The following FAM174B variants were observed in gnomAD, a reference collection of about 807,000 sequenced individuals.
FAM174B encodes membrane protein FAM174B.
FAM174B carries 12 observed loss-of-function variants against 10.9 expected under a neutral mutation model. The ratio of observed to expected loss-of-function variants is 1.10; its 90% confidence interval spans 0.71 to 1.79. The LOEUF (loss-of-function observed/expected upper bound fraction) is 1.79, where lower values mean the gene tolerates loss of function less well. Among genes scored for constraint, FAM174B ranks in the 40% most tolerant of loss-of-function variants. FAM174B has a pLI of 0.00. For synonymous variants in FAM174B, 132 were observed against 115.8 expected, an observed-to-expected ratio of 1.14 and a Z score of -0.90; for missense variants, 266 against 233.3, an observed-to-expected ratio of 1.14 and a Z score of -0.91.
intron 1 of FAM174B, among the ~76,000 whole-genome samples, chr15:92,630,704 ATATAATTATATATTTTT>A: frequency 7.5e-6 from 1 of 133,956 alleles, no homozygotes; most frequent in East Asian, 2.2e-4. Context: ...TATATATATT[ATATAATTATATATTTTT>A]TATATTATAT....
chr15:92,645,016 C>A (rs763981442), intron 1 of FAM174B, among the ~76,000 whole-genome samples: 2 of 152,228 alleles, frequency 1.3e-5, no homozygotes, highest in Non-Finnish European at 1.5e-5. Context: ...CCACATTTTT[C>A]AGCCCCAGGC....
At position 92,617,500 on chromosome 15, in the gene FAM174B, AG is replaced by A; in HGVS notation, c.*1955del. ...AGCCTGTGGCGCTGAAGTGCCACCA[AG>A]GATTTGGAAGGTCACTTTCAGCAGC... On this transcript the variant is annotated 3_prime_UTR_variant, in exon 3 of 3. Coordinates refer to ENST00000327355, the MANE Select transcript of FAM174B (RefSeq NM_207446.3). The A allele has an allele frequency of 2.0e-6, 1 of 502,664 alleles. No individual in the cohort carries two copies. The highest frequency in any genetic ancestry group is 3.5e-6 in the Non-Finnish European group (1 of 288,032). The allele number at this position is 502,664 out of a possible 1,614,324, so 31.1% of individuals were successfully genotyped here. A position where few individuals can be genotyped will look rare whatever the true frequency, so the allele number is the denominator to read the frequency against.
intron 1 of FAM174B, among the ~76,000 whole-genome samples, chr15:92,638,363 T>A (rs894115545): frequency 6.6e-6 from 1 of 152,176 alleles, no homozygotes; most frequent in Non-Finnish European, 1.5e-5. Flanking sequence ...CTCAATGGAC[T>A]GTTCACCAGC....
intron 1 of FAM174B, among the ~76,000 whole-genome samples, chr15:92,643,246 C>T (rs2050903417): frequency 6.6e-6 from 1 of 151,690 alleles, no homozygotes; most frequent in Non-Finnish European, 1.5e-5. Flanking sequence ...GGATTACAGG[C>T]ATGAGCCACC....
intron 2 of FAM174B, among the ~76,000 whole-genome samples, chr15:92,625,810 C>G (rs1427518845): frequency 6.6e-6 from 1 of 152,188 alleles, no homozygotes; most frequent in African/African-American, 2.4e-5. Context: ...GAAAAGCCAG[C>G]ACTACTTAGT....
At chr15:92,635,648 T>C (rs549472811) in intron 1 of FAM174B, among the ~76,000 whole-genome samples, 285 of 151,454 alleles carry the variant, frequency 1.9e-3, no homozygotes, top group Non-Finnish European at 2.7e-3. Context: ...TGGCACAATC[T>C]TGGCTAACTG....
At chr15:92,654,571 G>A (rs961671735) in intron 1 of FAM174B, among the ~76,000 whole-genome samples, 2 of 152,142 alleles carry the variant, frequency 1.3e-5, no homozygotes, top group African/African-American at 4.8e-5. Context: ...GGCTCTCCAA[G>A]ATCCCTCATG....
At chr15:92,645,151 C>T (rs957570695) in intron 1 of FAM174B, among the ~76,000 whole-genome samples, 1 of 152,198 alleles carries the variant, frequency 6.6e-6, no homozygotes, top group Non-Finnish European at 1.5e-5. Context: ...ATGATATGCA[C>T]GTTCCACTAA....
intron 1 of FAM174B, among the ~76,000 whole-genome samples, chr15:92,633,849 G>C (rs2050835184): frequency 6.6e-6 from 1 of 152,120 alleles, no homozygotes; most frequent in African/African-American, 2.4e-5. Context: ...TTCTGCCCTA[G>C]ATGACTTATA....
At chr15:92,654,543 C>A (rs1268699486) in intron 1 of FAM174B, among the ~76,000 whole-genome samples, 1 of 152,202 alleles carries the variant, frequency 6.6e-6, no homozygotes, top group Non-Finnish European at 1.5e-5. Context: ...TATCCCTGAA[C>A]GTGAGCAACC....
chr15:92,621,396 G>C (rs893141988), intron 2 of FAM174B, among the ~76,000 whole-genome samples: 10 of 152,164 alleles, frequency 6.6e-5, no homozygotes, highest in Admixed American at 4.6e-4. Flanking sequence ...AGAATCGCTT[G>C]AACCCAGTAG....
chr15:92,640,698 G>A (rs1040274688), intron 1 of FAM174B, among the ~76,000 whole-genome samples: 1 of 151,558 alleles, frequency 6.6e-6, no homozygotes, highest in African/African-American at 2.4e-5. Flanking sequence ...ACCCAGGAGT[G>A]CAGTGGCATG....
intron 1 of FAM174B, among the ~76,000 whole-genome samples, chr15:92,631,361 AT>A (rs2050811106): frequency 4.8e-5 from 1 of 20,906 alleles, no homozygotes; most frequent in Non-Finnish European, 7.6e-5. Context: ...TATATTATAT[AT>A]TATATTATAT....
intron 1 of FAM174B, among the ~76,000 whole-genome samples, chr15:92,642,111 CGAGATACCA>C (rs2050895750): frequency 6.6e-6 from 1 of 152,172 alleles, no homozygotes; most frequent in Non-Finnish European, 1.5e-5. Context: ...AAACACACAA[CGAGATACCA>C]CTTTATACCT....
chr15:92,631,429 TATA>T (rs1430841729), intron 1 of FAM174B, among the ~76,000 whole-genome samples: 1 of 45,672 alleles, frequency 2.2e-5, no homozygotes, highest in African/African-American at 1.1e-4. Flanking sequence ...TAATATATAA[TATA>T]ATATATTATA....
At chr15:92,620,405 G>A (rs1278042422) in intron 2 of FAM174B, among the ~76,000 whole-genome samples, 1 of 152,186 alleles carries the variant, frequency 6.6e-6, no homozygotes, top group East Asian at 1.9e-4. Context: ...GGCTGAGGCA[G>A]GACAATGGTG....
At chr15:92,642,669 T>C (rs1229019664) in intron 1 of FAM174B, among the ~76,000 whole-genome samples, 3 of 152,204 alleles carry the variant, frequency 2.0e-5, no homozygotes, top group Admixed American at 2.0e-4. Flanking sequence ...TGATTATAAG[T>C]TCCCTGAGGC....
intron 2 of FAM174B, among the ~76,000 whole-genome samples, chr15:92,626,560 G>T (rs1175901495): frequency 6.6e-6 from 1 of 152,176 alleles, no homozygotes; most frequent in Non-Finnish European, 1.5e-5. Flanking sequence ...TGACAGCAGA[G>T]AGAAGCTGGC....
intron 1 of FAM174B, among the ~76,000 whole-genome samples, chr15:92,643,344 A>ATGTGTGTGTGTGTGTGTGTGTGTG (rs61322216): frequency 3.8e-4 from 53 of 138,164 alleles, no homozygotes; most frequent in Non-Finnish European, 5.0e-4. Flanking sequence ...TAGGGAAGGA[A>ATGTGTGTGTGTGTGTGTGTGTGTG]TGTGTGTGTG....
Sources: allele counts gnomAD v4.1 joint callset (sites outside exome capture counted in the v4.1 genomes callset), GRCh38; gene constraint gnomAD v4.1.1; transcripts MANE v1.5; gene names NCBI Gene and HGNC (gene_info 2026-07-23, HGNC 2026-07-21).